SDK1: variants seen among roughly 807,000 people sequenced by gnomAD.
The protein encoded by SDK1 is sidekick cell adhesion molecule 1.
SDK1 carries 157 observed loss-of-function variants against 245.5 expected under a neutral mutation model. The observed-to-expected ratio is 0.64, with a 90% CI of 0.56 to 0.73. SDK1 has a LOEUF of 0.73. SDK1 is among the 30% of genes least tolerant of loss of function. SDK1 has a pLI of 0.00. For synonymous variants in SDK1, 1,647 were observed against 1,278.5 expected (o/e 1.29, Z -6.15); for missense variants, 3,583 against 3,002.3 (o/e 1.19, Z -4.52).
intron 4 of SDK1, among the ~76,000 whole-genome samples, chr7:3,710,354 T>C (rs1212734574): frequency 1.3e-5 from 2 of 152,244 alleles, no homozygotes; most frequent in African/African-American, 2.4e-5. Flanking sequence ...ACTTTCTTGT[T>C]GACTGGTTAT....
At chr7:3,523,835 C>T (rs1273518399) in intron 1 of SDK1, among the ~76,000 whole-genome samples, 1 of 152,208 alleles carries the variant, frequency 6.6e-6, no homozygotes, top group African/African-American at 2.4e-5. Flanking sequence ...ATTTCATCTT[C>T]ACCAAGCAGT....
rs938916217 is a variant in SDK1, at chr7:3,538,683, C to T, written c.299-80397C>T. Among the ~76,000 whole-genome samples the T allele has an allele frequency of 4.6e-5, 7 of 152,272 alleles. No individual in the cohort carries two copies. The East Asian group carries it at 7.7e-4, about 17-fold the overall frequency. ...CATGGTTTCCTCGTGTCTGCCCACC[C>T]GGCTACTTCTGTGCCAGGCTTAGGG... On this transcript the variant is annotated intron_variant, in intron 1 of 44. Coordinates refer to ENST00000404826, the MANE Select transcript of SDK1 (RefSeq NM_152744.4).
At chr7:3,655,190 T>G (rs1783124095) in intron 4 of SDK1, among the ~76,000 whole-genome samples, 1 of 151,380 alleles carries the variant, frequency 6.6e-6, no homozygotes, top group Admixed American at 6.6e-5. Flanking sequence ...TCCCAGCACT[T>G]TGGGAGGCTG....
At chr7:4,246,326 T>G (rs139957950) in intron 44 of SDK1, among the ~76,000 whole-genome samples, 1 of 152,276 alleles carries the variant, frequency 6.6e-6, no homozygotes, top group Non-Finnish European at 1.5e-5. Flanking sequence ...TAACTGGGCC[T>G]AGACCACCTC....
At chr7:3,920,324 G>A (rs149908151) in intron 5 of SDK1, among the ~76,000 whole-genome samples, 2 of 152,208 alleles carry the variant, frequency 1.3e-5, no homozygotes, top group Non-Finnish European at 2.9e-5. Flanking sequence ...TTGCAGTCTT[G>A]CAGGTGAGAT....
At chr7:3,485,180 T>G (rs942571723) in intron 1 of SDK1, among the ~76,000 whole-genome samples, 1 of 152,214 alleles carries the variant, frequency 6.6e-6, no homozygotes, top group African/African-American at 2.4e-5. Flanking sequence ...TTCTGTCTTT[T>G]TGATAATAGC....
At chr7:4,126,582 G>T (rs905088793) in intron 25 of SDK1, among the ~76,000 whole-genome samples, 1 of 152,192 alleles carries the variant, frequency 6.6e-6, no homozygotes, top group Non-Finnish European at 1.5e-5. Context: ...TCAGCCAGGC[G>T]TGGTGGCACA....
intron 4 of SDK1, among the ~76,000 whole-genome samples, chr7:3,725,370 G>A (rs1307463930): frequency 6.6e-6 from 1 of 152,132 alleles, no homozygotes; most frequent in Non-Finnish European, 1.5e-5. Flanking sequence ...AAAGGAGGAG[G>A]GACTTGGCAG....
At chr7:3,532,361 G>A (rs1271481492) in intron 1 of SDK1, among the ~76,000 whole-genome samples, 1 of 152,094 alleles carries the variant, frequency 6.6e-6, no homozygotes, top group Non-Finnish European at 1.5e-5. Flanking sequence ...TTGTTATCAG[G>A]CATTCACATC....
At chr7:3,505,218 G>T (rs149366288) in intron 1 of SDK1, among the ~76,000 whole-genome samples, 120 of 149,296 alleles carry the variant, frequency 8.0e-4, no homozygotes, top group East Asian at 5.1e-3. Context: ...ATTTTTTTTT[G>T]ATCTAGGGTT....
intron 1 of SDK1, among the ~76,000 whole-genome samples, chr7:3,428,223 T>C (rs1316819775): frequency 6.6e-6 from 1 of 152,152 alleles, no homozygotes; most frequent in African/African-American, 2.4e-5. Flanking sequence ...TACTCAGTGA[T>C]TGGTGCACTG....
intron 14 of SDK1, among the ~76,000 whole-genome samples, chr7:4,009,044 C>T (rs906145037): frequency 6.6e-6 from 1 of 152,230 alleles, no homozygotes; most frequent in Non-Finnish European, 1.5e-5. Flanking sequence ...TTCTTCACAT[C>T]CTTCCCAACA....
intron 5 of SDK1, among the ~76,000 whole-genome samples, chr7:3,936,717 T>TG (rs1211820593): frequency 6.6e-6 from 1 of 151,960 alleles, no homozygotes; most frequent in Non-Finnish European, 1.5e-5. Flanking sequence ...TTAACCCCAA[T>TG]GGGGGGAAAA....
intron 17 of SDK1, among the ~76,000 whole-genome samples, chr7:4,045,603 G>A (rs1562721142): frequency 6.6e-6 from 1 of 152,130 alleles, no homozygotes; most frequent in Non-Finnish European, 1.5e-5. Flanking sequence ...CCGGGGGCAG[G>A]ATTACCGGGT....
intron 1 of SDK1, among the ~76,000 whole-genome samples, chr7:3,440,967 C>CT (rs1562488029): frequency 1.3e-5 from 2 of 152,130 alleles, no homozygotes; most frequent in Admixed American, 6.5e-5. Context: ...ATGAGTTACA[C>CT]CAAGTGAGGG....
At chr7:3,997,218 G>T (rs1784749476) in intron 14 of SDK1, among the ~76,000 whole-genome samples, 1 of 152,156 alleles carries the variant, frequency 6.6e-6, no homozygotes, top group Admixed American at 6.5e-5. Context: ...TGGCGGTTTT[G>T]TCCGAGTTCT....
intron 22 of SDK1, among the ~76,000 whole-genome samples, chr7:4,106,729 C>A (rs778421363): frequency 6.6e-6 from 1 of 152,148 alleles, no homozygotes; most frequent in African/African-American, 2.4e-5. Context: ...GCTCTCTCAA[C>A]GCGGCGCGTG....
Position 3,562,485 on chromosome 7 carries a change from A to G in SDK1, c.299-56595A>G, listed in dbSNP as rs113404541. The stretch of plus-strand genomic sequence containing the variant: ...CTAGAGGGATGCATGGGTGCTAAAA[A>G]CTAACAACAAAAATGCTAGGAACCC... On this transcript the variant is annotated intron_variant, in intron 1 of 44. Coordinates refer to ENST00000404826, the MANE Select transcript of SDK1 (RefSeq NM_152744.4). Among the ~76,000 whole-genome samples the G allele has an allele frequency of 1.8e-4, 28 of 152,272 alleles. 2 individuals carry two copies. Among genetic ancestry groups the G allele is most frequent in the Admixed American group, 4.6e-4 (7 of 15,300 alleles).
At chr7:3,471,062 T>C (rs2128598440) in intron 1 of SDK1, among the ~76,000 whole-genome samples, 1 of 152,316 alleles carries the variant, frequency 6.6e-6, no homozygotes, top group Middle Eastern at 3.4e-3. Context: ...AATTATTTTA[T>C]CTGTTTGAGG....
Sources: allele counts gnomAD v4.1 joint callset (sites outside exome capture counted in the v4.1 genomes callset), GRCh38; gene constraint gnomAD v4.1.1; transcripts MANE v1.5; gene names NCBI Gene and HGNC (gene_info 2026-07-23, HGNC 2026-07-21).